COL22A1: variants seen among roughly 807,000 people sequenced by gnomAD.
The protein encoded by COL22A1 is collagen type XXII alpha 1 chain.
A neutral mutation model predicts 248.9 loss-of-function variants in COL22A1; 221 were observed. That is an observed-to-expected ratio of 0.89 (90% CI 0.80 to 0.99). The LOEUF is 0.99. COL22A1 is among the 50% of genes least tolerant of loss of function. COL22A1 has a pLI of 0.00. For synonymous variants in COL22A1, 891 were observed against 793.4 expected (o/e 1.12, Z -2.07); for missense variants, 2,240 against 2,179.0 (o/e 1.03, Z -0.56).
intron 18 of COL22A1, among the ~76,000 whole-genome samples, chr8:138,756,230 C>T (rs542250226): frequency 6.6e-6 from 1 of 152,290 alleles, no homozygotes; most frequent in East Asian, 1.9e-4. Flanking sequence ...TGGCAGGTCT[C>T]TTATGCCAGG....
intron 50 of COL22A1, among the ~76,000 whole-genome samples, 185 bp downstream of exon 50, chr8:138,630,510 T>C (rs1374028778): frequency 6.6e-6 from 1 of 152,158 alleles, no homozygotes; most frequent in African/African-American, 2.4e-5. Flanking sequence ...AGCAGCAAAG[T>C]AAACAGGGGT....
At chr8:138,681,854 T>C (rs1825987466) in intron 39 of COL22A1, among the ~76,000 whole-genome samples, 1 of 152,200 alleles carries the variant, frequency 6.6e-6, no homozygotes, top group African/African-American at 2.4e-5. Context: ...ATTTTCCCTT[T>C]TGAAAAATAT....
At position 138,591,448 on chromosome 8, in the gene COL22A1, C is replaced by T. The variant is rs1328551247; in HGVS notation, c.4669G>A (p.Glu1557Lys). The T allele has an allele frequency of 7.6e-6, 12 of 1,582,758 alleles. 1 individual carries two copies. The highest frequency in any genetic ancestry group is 2.3e-5 in the South Asian group (2 of 85,586). Residue 1557 changes from glutamate to lysine, a missense_variant, in exon 64 of 65, where the codon GAG becomes AAG. Transcript: ENST00000303045. ...PGAPGVGLRG[E>K]MGPPGIPGQP... ...CCTGGGATTCCAGGGGGTCCCATCT[C>T]GCCTCGGAGGCCAACTCCAGGTGCA...
intron 38 of COL22A1, among the ~76,000 whole-genome samples, chr8:138,684,933 ATG>A (rs1355161397): frequency 3.9e-5 from 6 of 152,166 alleles, no homozygotes; most frequent in Admixed American, 2.6e-4. Context: ...AGCTGTGGGG[ATG>A]TGTTTGCCTG....
In COL22A1 at chr8:138,802,917, A is replaced by C. The variant is rs571037423; in HGVS notation, c.1512T>G (p.Ile504Met). ...TAGGTCCAGGAGCGCCAACCGGCCC[A>C]ATGGCTCCTATGTCTCCCTGAGGGG... ...LPGPKGDIGA[I>M]GPVGAPGPKG... Residue 504 changes from isoleucine to methionine, a missense_variant, in exon 11 of 65, where the codon ATT (isoleucine) becomes ATG (methionine). Transcript: ENST00000303045. The C allele has an allele frequency of 1.9e-6, 3 of 1,613,940 alleles. No individual in the cohort carries two copies. The African/African-American group carries it at 4.0e-5, about 22-fold the overall frequency.
chr8:138,711,469 G>A (rs1042723621), intron 30 of COL22A1, among the ~76,000 whole-genome samples: 4 of 152,208 alleles, frequency 2.6e-5, no homozygotes, highest in Admixed American at 6.5e-5. Context: ...TGGCAATTCC[G>A]TCCAAGTAAT....
chr8:138,648,694 G>C (rs949053078), intron 46 of COL22A1, among the ~76,000 whole-genome samples: 1 of 151,984 alleles, frequency 6.6e-6, no homozygotes, highest in Non-Finnish European at 1.5e-5. Context: ...CCAATGTCTA[G>C]GGATTGGTAT....
intron 25 of COL22A1, 98 bp downstream of exon 25, chr8:138,724,517 A>C: frequency 1.7e-6 from 2 of 1,196,334 alleles, no homozygotes; most frequent in African/African-American, 1.5e-5. Flanking sequence ...CCTCAGCTCT[A>C]GGAAAGTGGC....
At chr8:138,590,098 G>A (rs898560924) in intron 64 of COL22A1, among the ~76,000 whole-genome samples, 2 of 152,108 alleles carry the variant, frequency 1.3e-5, no homozygotes, top group Non-Finnish European at 2.9e-5. Context: ...CACTTAGTAA[G>A]CATCATGACA....
At chr8:138,820,433 G>A (rs1819015389) in intron 7 of COL22A1, among the ~76,000 whole-genome samples, 1 of 152,070 alleles carries the variant, frequency 6.6e-6, no homozygotes, top group Admixed American at 6.6e-5. Flanking sequence ...GGCTACAGAT[G>A]TGGGTATGTA....
chr8:138,725,345 C>A (rs1830216682), intron 24 of COL22A1, 42 bp downstream of exon 24: 1 of 1,602,704 alleles, frequency 6.2e-7, no homozygotes, highest in African/African-American at 1.3e-5. Flanking sequence ...GCCAGGAAAC[C>A]ACCATCTAAG....
At chr8:138,610,679 G>A (rs1054133912) in intron 56 of COL22A1, among the ~76,000 whole-genome samples, 1 of 152,252 alleles carries the variant, frequency 6.6e-6, no homozygotes, top group South Asian at 2.1e-4. Flanking sequence ...GCCCCACCCC[G>A]CATGTGGTAC....
At chr8:138,913,127 T>C (rs1354011158) in intron 1 of COL22A1, among the ~76,000 whole-genome samples, 1 of 152,096 alleles carries the variant, frequency 6.6e-6, no homozygotes, top group Non-Finnish European at 1.5e-5. Context: ...TCAAGAAAGC[T>C]AAGTTCCCTG....
chr8:138,717,930 A>G (rs1829569824), intron 27 of COL22A1, among the ~76,000 whole-genome samples: 1 of 152,228 alleles, frequency 6.6e-6, no homozygotes, highest in Non-Finnish European at 1.5e-5. Context: ...ATGTATTTCT[A>G]ATATTCATAT....
chr8:138,674,640 A>T (rs1249840290), intron 41 of COL22A1, among the ~76,000 whole-genome samples: 1 of 152,090 alleles, frequency 6.6e-6, no homozygotes, highest in African/African-American at 2.4e-5. Flanking sequence ...GGTGGGGTGA[A>T]TTGTGTCCGC....
At chr8:138,813,309 T>A (rs1818398037) in intron 7 of COL22A1, among the ~76,000 whole-genome samples, 1 of 147,548 alleles carries the variant, frequency 6.8e-6, no homozygotes, top group Admixed American at 6.8e-5. Flanking sequence ...CGGTGGGAGA[T>A]AACTGAATCA....
intron 44 of COL22A1, among the ~76,000 whole-genome samples, chr8:138,657,860 C>G (rs1304966616): frequency 6.6e-6 from 1 of 152,180 alleles, no homozygotes; most frequent in Admixed American, 6.5e-5. Flanking sequence ...AGAGCTGGGC[C>G]TGGCCTCAAG....
At chr8:138,742,934 TTGATGG>T (rs990947252) in intron 22 of COL22A1, among the ~76,000 whole-genome samples, 1 of 142,192 alleles carries the variant, frequency 7.0e-6, no homozygotes, top group Non-Finnish European at 1.5e-5. Context: ...AATGGTGGAG[TTGATGG>T]TGATGGTGAT....
chr8:138,802,179 T>A (rs1030814056), intron 11 of COL22A1, among the ~76,000 whole-genome samples: 3 of 152,330 alleles, frequency 2.0e-5, no homozygotes, highest in East Asian at 3.9e-4. Flanking sequence ...AGTATCTTGG[T>A]GAAGCCGGAA....
Sources: gnomAD v4.1 joint callset for allele counts (sites outside exome capture counted in the v4.1 genomes callset) on GRCh38, gnomAD v4.1.1 for gene constraint, MANE v1.5 for transcripts, NCBI Gene and HGNC (gene_info 2026-07-23, HGNC 2026-07-21) for gene names.